The following STPG2 variants were observed in gnomAD, a reference collection of about 807,000 sequenced individuals.
The protein encoded by STPG2 is sperm-tail PG-rich repeat-containing protein 2.
A neutral mutation model predicts 54.2 loss-of-function variants in STPG2; 56 were observed. That is an observed-to-expected ratio of 1.03 (90% CI 0.83 to 1.29). The LOEUF is 1.29. Ranked by LOEUF, STPG2 falls within the 50% of genes most tolerant of loss-of-function variation. The pLI is 0.00. For missense variants in STPG2, 596 were observed against 544.9 expected (o/e 1.09, Z -0.93); for synonymous variants, 200 against 181.8 (o/e 1.10, Z -0.81).
intron 8 of STPG2, among the ~76,000 whole-genome samples, chr4:97,869,020 T>C (rs2149151431): frequency 6.6e-6 from 1 of 151,970 alleles, no homozygotes. Context: ...ATCTTGAGCA[T>C]GTGACTTTTC....
At chr4:97,596,167 A>AG (rs957692294) in intron 10 of STPG2, among the ~76,000 whole-genome samples, 1 of 152,118 alleles carries the variant, frequency 6.6e-6, no homozygotes, top group African/African-American at 2.4e-5. Flanking sequence ...TAAAAAAAGA[A>AG]GGGCATTACA....
chr4:97,708,256 T>TA lies in STPG2; in HGVS notation c.1320+4442dup, dbSNP rs139231647. Among the ~76,000 whole-genome samples, 211 of 152,060 alleles carry TA rather than the reference T, an allele frequency of 1.4e-3. 4 individuals carry two copies. The East Asian group carries it at 0.039, about 28-fold the overall frequency. On this transcript the variant is annotated intron_variant, in intron 10 of 10. Transcript: ENST00000295268. ...AATGGTTTTTTTGAAAAATAAAATCTAAAAAAATTCACTTGGCAAAGGAAA... is the reference window on the plus strand; with the variant it reads ...AATGGTTTTTTTGAAAAATAAAATCTAAAAAAAATTCACTTGGCAAAGGAAA...
chr4:98,013,747 T>G (rs571971743), intron 5 of STPG2, among the ~76,000 whole-genome samples: 3 of 151,500 alleles, frequency 2.0e-5, no homozygotes, highest in East Asian at 1.9e-4. Flanking sequence ...TTTTCTAGTT[T>G]ATTTGCACAG....
intron 4 of STPG2, among the ~76,000 whole-genome samples, chr4:97,543,403 CT>C (rs1397094668): frequency 5.9e-5 from 9 of 151,736 alleles, no homozygotes; most frequent in African/African-American, 1.9e-4. Context: ...GTAGCTTCTG[CT>C]TTAGCTCTGA....
At chr4:97,513,695 A>G (rs540562565) in intron 4 of STPG2, among the ~76,000 whole-genome samples, 6 of 152,126 alleles carry the variant, frequency 3.9e-5, no homozygotes, top group Admixed American at 2.0e-4. Flanking sequence ...AATTCTAACA[A>G]TCCTATGAAG....
intron 4 of STPG2, among the ~76,000 whole-genome samples, chr4:97,532,651 A>T (rs1172673329): frequency 6.6e-6 from 1 of 152,172 alleles, no homozygotes; most frequent in Non-Finnish European, 1.5e-5. Flanking sequence ...GAAAATGGAA[A>T]ATGCCTTAAT....
At chr4:97,548,810 A>T (rs1731901866) in intron 4 of STPG2, among the ~76,000 whole-genome samples, 2 of 152,190 alleles carry the variant, frequency 1.3e-5, no homozygotes, top group Non-Finnish European at 2.9e-5. Flanking sequence ...TACACAAGGT[A>T]TGTTAGAGAA....
intron 4 of STPG2, among the ~76,000 whole-genome samples, chr4:97,486,369 G>T (rs1352563341): frequency 2.0e-5 from 3 of 151,722 alleles, no homozygotes; most frequent in Non-Finnish European, 4.4e-5. Flanking sequence ...AACATGAATA[G>T]ACAATTCCCA....
intron 5 of STPG2, among the ~76,000 whole-genome samples, chr4:98,005,588 T>C (rs1287382030): frequency 6.6e-6 from 1 of 152,198 alleles, no homozygotes; most frequent in Non-Finnish European, 1.5e-5. Flanking sequence ...CTGAGACTTT[T>C]GCTGAATTTT....
In STPG2 at chr4:97,565,597, A is replaced by G. The variant is rs112360237; in HGVS notation, c.1321-6480T>C. Among the ~76,000 whole-genome samples, 818 of 152,198 alleles carry G rather than the reference A, an allele frequency of 5.4e-3. 6 individuals are homozygous for G. The highest frequency in any genetic ancestry group is 0.02 in the Middle Eastern group (6 of 294). On this transcript the variant is annotated intron_variant, in intron 10 of 10. Coordinates refer to ENST00000295268, the MANE Select transcript of STPG2 (RefSeq NM_174952.3). ...CTTTTGGTCTTTGATGATGTGATGT[A>G]CAGATGGGTTTTTGGTGTGGATATC...
chr4:98,094,730 G>A (rs1174096929), intron 5 of STPG2, among the ~76,000 whole-genome samples: 1 of 152,146 alleles, frequency 6.6e-6, no homozygotes, highest in Non-Finnish European at 1.5e-5. Flanking sequence ...AACCCCCATG[G>A]ATCAGTGGTG....
At chr4:97,934,741 T>A (rs1282043571) in intron 8 of STPG2, among the ~76,000 whole-genome samples, 1 of 152,160 alleles carries the variant, frequency 6.6e-6, no homozygotes, top group Non-Finnish European at 1.5e-5. Context: ...CTTTTTGATG[T>A]GCTGGTTTTG....
At chr4:97,658,993 C>T (rs1054517220) in intron 10 of STPG2, among the ~76,000 whole-genome samples, 14 of 152,128 alleles carry the variant, frequency 9.2e-5, no homozygotes, top group African/African-American at 3.4e-4. Context: ...TCTCACGTTC[C>T]TTTGGGGAGA....
intron 8 of STPG2, among the ~76,000 whole-genome samples, chr4:97,880,894 T>A (rs1350173537): frequency 6.6e-6 from 1 of 152,116 alleles, no homozygotes; most frequent in East Asian, 1.9e-4. Flanking sequence ...TTAACATAAT[T>A]TTAATATTTG....
intron 8 of STPG2, chr4:97,916,924 T>C (rs1448313655): frequency 6.5e-6 from 1 of 152,732 alleles, no homozygotes; most frequent in Non-Finnish European, 1.5e-5. Flanking sequence ...AGGTTGGGTA[T>C]GGGCCGATGC....
At chr4:97,979,895 T>A (rs1439213589) in intron 6 of STPG2, among the ~76,000 whole-genome samples, 1 of 151,940 alleles carries the variant, frequency 6.6e-6, no homozygotes, top group Non-Finnish European at 1.5e-5. Context: ...CGACTAATTT[T>A]TTGTATTTTA....
chr4:97,730,825 A>G (rs1261111275), intron 9 of STPG2, among the ~76,000 whole-genome samples: 1 of 152,180 alleles, frequency 6.6e-6, no homozygotes, highest in Non-Finnish European at 1.5e-5. Flanking sequence ...CAACTTCATT[A>G]TGAAATCCCT....
At chr4:98,114,726 A>C (rs939508980) in intron 3 of STPG2, among the ~76,000 whole-genome samples, 1 of 130,704 alleles carries the variant, frequency 7.7e-6, no homozygotes, top group Non-Finnish European at 1.6e-5. Flanking sequence ...GCACACACAC[A>C]CAATTTAAGA....
intron 10 of STPG2, among the ~76,000 whole-genome samples, chr4:97,602,828 A>T (rs1733498820): frequency 6.6e-6 from 1 of 151,800 alleles, no homozygotes; most frequent in African/African-American, 2.4e-5. Flanking sequence ...GAGAGAAGTT[A>T]AAGTGCACAT....
Sources: gnomAD v4.1 joint callset for allele counts (sites outside exome capture counted in the v4.1 genomes callset) on GRCh38, gnomAD v4.1.1 for gene constraint, MANE v1.5 for transcripts, NCBI Gene and HGNC (gene_info 2026-07-23, HGNC 2026-07-21) for gene names.